CCL28: variants seen among roughly 807,000 people sequenced by gnomAD.
CCL28 encodes C-C motif chemokine ligand 28.
In CCL28, 4 loss-of-function variants were observed where a neutral mutation model predicts 7.1. That is an observed-to-expected ratio of 0.56 (90% CI 0.28 to 1.29). The LOEUF is 1.29. Ranked by LOEUF, CCL28 falls within the 50% of genes most tolerant of loss-of-function variation. CCL28 has a pLI of 0.11. For missense variants in CCL28, 151 were observed against 163.4 expected, an observed-to-expected ratio of 0.92 and a Z score of 0.41; for synonymous variants, 55 against 57.8, an observed-to-expected ratio of 0.95 and a Z score of 0.22.
the CCL28 span, among the ~76,000 whole-genome samples, chr5:43,359,208 A>G: frequency 1.3e-5 from 2 of 152,250 alleles, no homozygotes; most frequent in Non-Finnish European, 2.9e-5. Context: ...ACAGAAATAT[A>G]GTACAGAGTC....
At chr5:43,361,077 T>C in the CCL28 span, among the ~76,000 whole-genome samples, 1 of 152,154 alleles carries the variant, frequency 6.6e-6, no homozygotes, top group Admixed American at 6.6e-5. Flanking sequence ...CAGTGTTTGG[T>C]TTTCTAGTCC....
In CCL28 at chr5:43,380,381, ATTTAG is replaced by A. The variant is rs1054263086; in HGVS notation, c.*1474_*1478del. On this transcript the variant is annotated 3_prime_UTR_variant, in exon 3 of 3. Transcript: ENST00000361115. ...CTCAAACTAGACGTTTTGAAGTTAT[ATTTAG>A]TTTAAACTATTCTATTTAGAAAATA... 13 of 152,222 alleles carry A rather than the reference ATTTAG, an allele frequency of 8.5e-5. No individual in the cohort carries two copies. The highest frequency in any genetic ancestry group is 9.6e-5 in the African/African-American group (4 of 41,456). The allele number at this position is 152,222 out of a possible 1,614,324, so 9.4% of individuals were successfully genotyped here.
chr5:43,369,527 C>T, the CCL28 span, among the ~76,000 whole-genome samples: 4 of 152,158 alleles, frequency 2.6e-5, no homozygotes, highest in South Asian at 2.1e-4. Context: ...CAGGTTAAAG[C>T]GATTCTCCTA....
chr5:43,393,374 A>C (rs1740663094), intron 1 of CCL28, among the ~76,000 whole-genome samples: 1 of 149,564 alleles, frequency 6.7e-6, no homozygotes, highest in African/African-American at 2.5e-5. Context: ...TTTTTTTCTG[A>C]GGCAGAGTAT....
the CCL28 span, among the ~76,000 whole-genome samples, chr5:43,364,208 GT>G: frequency 1.1e-5 from 1 of 94,270 alleles, no homozygotes; most frequent in South Asian, 2.7e-4. Context: ...GATAAACATT[GT>G]GATTTTTTTT....
the CCL28 span, among the ~76,000 whole-genome samples, chr5:43,362,364 T>C: frequency 6.1e-4 from 93 of 152,288 alleles, no homozygotes; most frequent in African/African-American, 2.1e-3. Context: ...TGAAGTTGTT[T>C]ATCAGCATAA....
chr5:43,371,772 C>T (rs976645131), downstream of CCL28, among the ~76,000 whole-genome samples: 1 of 152,160 alleles, frequency 6.6e-6, no homozygotes, highest in East Asian at 1.9e-4. Context: ...TGTTTTAAGT[C>T]GCTAAGTTTT....
chr5:43,368,820 C>T, the CCL28 span, among the ~76,000 whole-genome samples: 1 of 152,034 alleles, frequency 6.6e-6, no homozygotes. Flanking sequence ...TGGGACAGAA[C>T]CCTCCTTCAC....
intron 1 of CCL28, among the ~76,000 whole-genome samples, chr5:43,390,225 G>C (rs934622046): frequency 6.6e-6 from 1 of 152,120 alleles, no homozygotes; most frequent in East Asian, 1.9e-4. Context: ...AGACCACCTT[G>C]GTCAGGTATA....
chr5:43,368,402 T>C, the CCL28 span, among the ~76,000 whole-genome samples: 1 of 152,192 alleles, frequency 6.6e-6, no homozygotes, highest in African/African-American at 2.4e-5. Context: ...AAGAACTATA[T>C]TTCCTTTTTC....
downstream of CCL28, among the ~76,000 whole-genome samples, chr5:43,378,524 C>G (rs1041960094): frequency 6.6e-6 from 1 of 152,020 alleles, no homozygotes; most frequent in Admixed American, 6.6e-5. Flanking sequence ...AAAGGATTAA[C>G]GAGGTGATTT....
chr5:43,379,012 C>T (rs1228636494), downstream of CCL28, among the ~76,000 whole-genome samples: 1 of 152,058 alleles, frequency 6.6e-6, no homozygotes, highest in Non-Finnish European at 1.5e-5. Flanking sequence ...CCCAGGCACA[C>T]TATCTTCAGA....
chr5:43,358,678 A>G, the CCL28 span, among the ~76,000 whole-genome samples: 8 of 152,206 alleles, frequency 5.3e-5, no homozygotes, highest in East Asian at 1.5e-3. Context: ...TTACTGAGCA[A>G]CTCTTATGTC....
At chr5:43,403,220 G>C (rs1203042968) in intron 1 of CCL28, among the ~76,000 whole-genome samples, 1 of 152,202 alleles carries the variant, frequency 6.6e-6, no homozygotes, top group Non-Finnish European at 1.5e-5. Context: ...TCCTCAAGTG[G>C]GTCCCTGACC....
chr5:43,377,943 G>A (rs1190180152), downstream of CCL28, among the ~76,000 whole-genome samples: 1 of 139,174 alleles, frequency 7.2e-6, no homozygotes, highest in Non-Finnish European at 1.5e-5. Context: ...CGTTTTAGCC[G>A]GGATGGTCTC....
At chr5:43,378,953 C>T (rs191611673), downstream of CCL28, among the ~76,000 whole-genome samples, 246 of 151,936 alleles carry the variant, frequency 1.6e-3, no homozygotes, top group African/African-American at 5.7e-3. Context: ...GAGCAAGACT[C>T]CATCTCAAAA....
chr5:43,372,343 A>T (rs1308259286), downstream of CCL28, among the ~76,000 whole-genome samples: 1 of 152,130 alleles, frequency 6.6e-6, no homozygotes, highest in Non-Finnish European at 1.5e-5. Flanking sequence ...ATCCTTTCTC[A>T]TTAACACAAT....
At chr5:43,387,593 A>G (rs1740390978) in intron 2 of CCL28, among the ~76,000 whole-genome samples, 2 of 151,854 alleles carry the variant, frequency 1.3e-5, no homozygotes, top group African/African-American at 4.8e-5. Flanking sequence ...TTCTTTTTGA[A>G]CCTTTTCTTT....
the CCL28 span, among the ~76,000 whole-genome samples, chr5:43,360,053 CT>C: frequency 5.1e-4 from 78 of 152,238 alleles, no homozygotes; most frequent in African/African-American, 1.8e-3. Context: ...TCCCACCTGG[CT>C]GGCCTTGTGT....
Sources: gnomAD v4.1 joint callset for allele counts (sites outside exome capture counted in the v4.1 genomes callset) on GRCh38, gnomAD v4.1.1 for gene constraint, MANE v1.5 for transcripts, NCBI Gene and HGNC (gene_info 2026-07-23, HGNC 2026-07-21) for gene names.